The following FNBP1 variants were observed in gnomAD, a reference collection of about 807,000 sequenced individuals.
FNBP1 encodes formin-binding protein 1.
A neutral mutation model predicts 90.6 loss-of-function variants in FNBP1; 26 were observed. The observed-to-expected ratio is 0.29, with a 90% CI of 0.21 to 0.40. FNBP1 has a LOEUF of 0.40. Among genes scored for constraint, FNBP1 ranks in the 10% least tolerant of loss-of-function variants. FNBP1 has a pLI of 1.00. For synonymous variants in FNBP1, 260 were observed against 265.2 expected (o/e 0.98, Z 0.19); for missense variants, 635 against 768.0 (o/e 0.83, Z 2.05).
rs938206658 is a variant in FNBP1 at position 129,890,565 on chromosome 9, C to A, written c.1847-19G>T. ...TAGGAATCTACAACACAAAGAGAAA[C>A]AGAAAGAGAAACTCTCTGTTAGAGA... On this transcript the variant is annotated intron_variant, in intron 16 of 16. Transcript: ENST00000446176. The surrounding 1 kb of genome is among the most constrained non-coding windows in gnomAD (Gnocchi z 5.8). The A allele has an allele frequency of 5.7e-6, 9 of 1,577,996 alleles. No individual in the cohort carries two copies. Among genetic ancestry groups the A allele is most frequent in the Non-Finnish European group, 7.7e-6 (9 of 1,162,464 alleles).
At chr9:129,913,813 C>T (rs575049796) in intron 11 of FNBP1, among the ~76,000 whole-genome samples, 1 of 152,080 alleles carries the variant, frequency 6.6e-6, no homozygotes, top group Admixed American at 6.6e-5. Flanking sequence ...TGACAGCTTC[C>T]CCCCACCCCA....
intron 1 of FNBP1, among the ~76,000 whole-genome samples, chr9:130,025,780 C>A (rs926088746): frequency 1.3e-5 from 2 of 152,030 alleles, no homozygotes; most frequent in African/African-American, 4.8e-5. Flanking sequence ...AAAAATTAGC[C>A]GGGCGTGGTG....
At chr9:129,914,791 A>ATATC (rs1365160410) in intron 11 of FNBP1, 1 of 159,546 alleles carries the variant, frequency 6.3e-6, no homozygotes, top group Non-Finnish European at 1.3e-5. Flanking sequence ...ATATATATAT[A>ATATC]TATCTCACCA....
chr9:129,957,131 G>GT lies in FNBP1; in HGVS notation c.513+228_513+229insA, dbSNP rs2047075532. ...TGGCTCACTGCAGCCAACGCCTCCT[G>GT]GGCTCAAGCGATTCTCCTGCCTCAG... On this transcript the variant is annotated intron_variant, in intron 6 of 16. Transcript: ENST00000446176. This position sits in a 1 kb window ranked among gnomAD's most constrained non-coding sequence, Gnocchi z 4.3. Among the ~76,000 whole-genome samples, 1 of 149,990 alleles carries GT rather than the reference G, an allele frequency of 6.7e-6. No homozygotes were observed. The highest frequency in any genetic ancestry group is 1.5e-5 in the Non-Finnish European group (1 of 67,722).
chr9:130,013,974 C>T, intron 1 of FNBP1: 1 of 455,596 alleles, frequency 2.2e-6, no homozygotes, highest in South Asian at 1.6e-5. Context: ...TTATAAATTA[C>T]CCAGGTTGTG....
At chr9:129,923,757 G>A in intron 10 of FNBP1, 87 bp downstream of exon 10, 4 of 1,367,126 alleles carry the variant, frequency 2.9e-6, no homozygotes, top group Non-Finnish European at 3.8e-6. Flanking sequence ...AAACACAATG[G>A]ATTCATTCAC....
chr9:129,972,539 T>C (rs997384958), intron 4 of FNBP1, among the ~76,000 whole-genome samples: 1 of 141,168 alleles, frequency 7.1e-6, no homozygotes, highest in African/African-American at 2.5e-5. Context: ...CTTTTTCTTT[T>C]TTTTTTTTTT....
intron 10 of FNBP1, among the ~76,000 whole-genome samples, chr9:129,923,376 C>T (rs893199702): frequency 5.9e-5 from 9 of 151,908 alleles, no homozygotes; most frequent in South Asian, 2.1e-4. Flanking sequence ...GTCAAGAGAT[C>T]GAGACCATCC....
At chr9:130,017,438 G>T (rs1334390918) in intron 1 of FNBP1, among the ~76,000 whole-genome samples, 1 of 152,112 alleles carries the variant, frequency 6.6e-6, no homozygotes, top group Non-Finnish European at 1.5e-5. Context: ...TAAATTATTT[G>T]TTGCTTCATC....
chr9:129,970,157 G>A lies in FNBP1; in HGVS notation c.345+8308C>T, dbSNP rs544483098. Among the ~76,000 whole-genome samples, 6 of 151,280 alleles carry A rather than the reference G, an allele frequency of 4.0e-5. No individual in the cohort carries two copies. In the South Asian group the frequency reaches 6.3e-4, roughly 16 times the overall value. ...CCCGACCTCATGATCCCCCTACCTC[G>A]GCCTCCCAAAGTGCTAGGATTACAG... On this transcript the variant is annotated intron_variant, in intron 4 of 16. Coordinates refer to ENST00000446176, the MANE Select transcript of FNBP1 (RefSeq NM_015033.3).
intron 6 of FNBP1, among the ~76,000 whole-genome samples, chr9:129,944,539 C>CAAA (rs34283195): frequency 8.7e-6 from 1 of 114,500 alleles, no homozygotes; most frequent in Non-Finnish European, 1.9e-5. Flanking sequence ...GACTGCGTCT[C>CAAA]AAAAAAAAAA....
intron 1 of FNBP1, among the ~76,000 whole-genome samples, chr9:130,036,032 G>C (rs1038261448): frequency 2.4e-4 from 37 of 151,364 alleles, no homozygotes; most frequent in African/African-American, 9.0e-4. Context: ...AAAAAAAAAA[G>C]TTTTTTTAAC....
At chr9:129,923,756 G>T in intron 10 of FNBP1, 88 bp downstream of exon 10, 1 of 1,332,990 alleles carries the variant, frequency 7.5e-7, no homozygotes, top group Non-Finnish European at 9.8e-7. Flanking sequence ...AAAACACAAT[G>T]GATTCATTCA....
chr9:129,958,639 C>T (rs1016963211), intron 4 of FNBP1, 86 bp from the exon 5 acceptor site: 1 of 1,058,536 alleles, frequency 9.4e-7, no homozygotes, highest in East Asian at 2.6e-5. Context: ...ACTTAAACAA[C>T]ATCTAAATAT....
At chr9:129,944,685 A>G (rs1363822692) in intron 6 of FNBP1, among the ~76,000 whole-genome samples, 1 of 152,196 alleles carries the variant, frequency 6.6e-6, no homozygotes, top group African/African-American at 2.4e-5. Flanking sequence ...GCCACTACAC[A>G]TACATCACAC....
At chr9:129,927,468 C>G (rs2131980828) in intron 7 of FNBP1, 127 bp from the exon 8 acceptor site, 1 of 803,608 alleles carries the variant, frequency 1.2e-6, no homozygotes, top group East Asian at 2.5e-5. Context: ...TAGAGCGGCT[C>G]TAAGTACACG....
At chr9:129,999,188 C>G (rs919712124) in intron 1 of FNBP1, among the ~76,000 whole-genome samples, 1 of 152,132 alleles carries the variant, frequency 6.6e-6, no homozygotes, top group African/African-American at 2.4e-5. Flanking sequence ...ATATTATAAA[C>G]GGCTCTTTAA....
intron 1 of FNBP1, among the ~76,000 whole-genome samples, chr9:130,039,667 G>T (rs1244023008): frequency 9.1e-6 from 1 of 109,424 alleles, no homozygotes; most frequent in Non-Finnish European, 1.8e-5. Context: ...CAAGAGCGAA[G>T]CTTTGTCTCA....
upstream of FNBP1, among the ~76,000 whole-genome samples, chr9:130,045,741 G>A (rs779051300): frequency 7.9e-5 from 12 of 152,078 alleles, no homozygotes; most frequent in Non-Finnish European, 1.6e-4. Context: ...AAAAATAAAG[G>A]AGAGAGACAC....
Sources: gnomAD v4.1 joint callset for allele counts (sites outside exome capture counted in the v4.1 genomes callset) on GRCh38, gnomAD v4.1.1 for gene constraint, Gnocchi (gnomAD v3.1) non-coding constraint, MANE v1.5 for transcripts, NCBI Gene and HGNC (gene_info 2026-07-23, HGNC 2026-07-21) for gene names.